BAHCC1: variants seen among roughly 807,000 people sequenced by gnomAD.
BAHCC1 encodes the protein BAH domain and coiled-coil containing 1.
In BAHCC1, 43 loss-of-function variants were observed where a neutral mutation model predicts 88.2. The observed-to-expected ratio is 0.49, with a 90% confidence interval of 0.38 to 0.63. The LOEUF (loss-of-function observed/expected upper bound fraction) is 0.63. Ranked by LOEUF, BAHCC1 falls within the 20% of genes least tolerant of loss-of-function variation. The pLI is 0.00. For missense variants in BAHCC1, 3,023 were observed against 1,654.8 expected (o/e 1.83, Z -14.34); for synonymous variants, 1,510 against 745.5 (o/e 2.03, Z -16.71).
intron 2 of BAHCC1, chr17:81,407,301 AC>A: frequency 1.9e-6 from 1 of 518,068 alleles, no homozygotes; most frequent in Non-Finnish European, 3.9e-6. Context: ...TTCTTGGGGT[AC>A]CCCACCAAAA....
rs1555647798 is a variant in BAHCC1 at position 81,411,255 on chromosome 17, C to T, written c.178+11338C>T. The T allele has an allele frequency of 2.0e-6, 1 of 493,444 alleles. No homozygotes were observed. The highest frequency in any genetic ancestry group is 4.0e-6 in the Non-Finnish European group (1 of 248,230). The allele number at this position is 493,444 out of a possible 1,614,324, so 30.6% of individuals were successfully genotyped here. A position where few individuals can be genotyped will look rare whatever the true frequency, so the allele number is the denominator to read the frequency against. On this transcript the variant is annotated intron_variant, in intron 2 of 27. Coordinates refer to ENST00000675386, the MANE Select transcript of BAHCC1 (RefSeq NM_001377448.1). This position sits in a 1 kb window ranked among gnomAD's most constrained non-coding sequence, Gnocchi z 6.2. ...GGACTCGCCACCCCCAGTTGAGCAG[C>T]TCCCCTTCTCGGCAGCTCCCAAACC...
chr17:81,443,915 G>A lies in BAHCC1; in HGVS notation c.2322G>A (p.Leu774=). The A allele has an allele frequency of 1.4e-6, 1 of 710,358 alleles. No homozygotes were observed. Among genetic ancestry groups the A allele is most frequent in the Non-Finnish European group, 2.6e-6 (1 of 384,758 alleles). The allele number at this position is 710,358 out of a possible 1,614,324, so 44.0% of individuals were successfully genotyped here. ...GGCTTGCCAGCCGCGAGCTGCTGCT[G>A]CAGTGAGAGCTGGGCCTGTGGCCCT... ...RLGLASRELL[L]QDSKDRVEFA... The change falls in exon 6 of 28, where the codon CTG becomes CTA. Residue 774 remains leucine, a splice_region_variant and synonymous_variant. Coordinates refer to ENST00000675386, the MANE Select transcript of BAHCC1 (RefSeq NM_001377448.1).
At chr17:81,401,606 C>G (rs1555646067) in intron 2 of BAHCC1, 1 of 152,452 alleles carries the variant, frequency 6.6e-6, no homozygotes, top group Admixed American at 6.5e-5. Context: ...CGCCAGCCTC[C>G]CCACCAGCCC....
rs548095001 is a variant in BAHCC1, at chr17:81,447,866, C to T, written c.3976+18C>T. ...TGTGCCAGGTAAGCCCGGTGGTTGC[C>T]GCCACCCCCCAGAGTCCCAGCAGTG... is the stretch of plus-strand genomic sequence containing the variant. On this transcript the variant is annotated intron_variant, in intron 11 of 27. Coordinates refer to ENST00000675386, the MANE Select transcript of BAHCC1 (RefSeq NM_001377448.1). 1.7e-5 allele frequency: 12 copies of T among 719,130 alleles called. No individual in the cohort carries two copies. The highest frequency in any genetic ancestry group is 4.0e-5 in the Admixed American group (2 of 50,442). The allele number at this position is 719,130 out of a possible 1,614,324, so 44.5% of individuals were successfully genotyped here. A position where few individuals can be genotyped will look rare whatever the true frequency, so the allele number is the denominator to read the frequency against.
rs557338506 is a variant in BAHCC1, at chr17:81,398,613, C to A, written c.-206-921C>A. ...CATTCTGACTCTGAAAGCACCCCCC[C>A]CACACACACCCCCAAGCCCCCAATC... On this transcript the variant is annotated intron_variant, in intron 1 of 27. Transcript: ENST00000675386. 9.4e-3 allele frequency among the ~76,000 whole-genome samples: 1,430 copies of A among 152,304 alleles called. 23 individuals carry two copies. Among genetic ancestry groups the A allele is most frequent in the African/African-American group, 0.031 (1,307 of 41,546 alleles).
intron 4 of BAHCC1, among the ~76,000 whole-genome samples, chr17:81,439,261 G>C (rs782172570): frequency 6.6e-6 from 1 of 152,226 alleles, no homozygotes; most frequent in Non-Finnish European, 1.5e-5. Flanking sequence ...AGTTCTCCTT[G>C]GGGTGACACC....
chr17:81,443,461 C>G lies in BAHCC1; in HGVS notation c.2112C>G (p.Gly704=). ...GDGEVRQPPV[G]IAVALARQKD... ...GGGAGGTGCGGCAGCCCCCTGTGGG[C>G]ATTGCAGTGGCCTTGGCCCGGCAGA... Residue 704 remains glycine (G), a synonymous_variant, in exon 5 of 28, where the codon GGC becomes GGG. Transcript: ENST00000675386. 2 of 734,006 alleles carry G rather than the reference C, an allele frequency of 2.7e-6. No homozygotes were observed. The highest frequency in any genetic ancestry group is 5.2e-5 in the East Asian group (2 of 38,466). The allele number at this position is 734,006 out of a possible 1,614,324, so 45.5% of individuals were successfully genotyped here.
At chr17:81,421,985 G>A (rs782775171) in intron 2 of BAHCC1, 5 of 388,766 alleles carry the variant, frequency 1.3e-5, no homozygotes, top group South Asian at 7.3e-5. Context: ...TCAGGGCCGG[G>A]GTCTCGGGTG....
chr17:81,404,410 T>C lies in BAHCC1; in HGVS notation c.178+4493T>C, dbSNP rs188165527. 3.9e-3 allele frequency among the ~76,000 whole-genome samples: 601 copies of C among 152,350 alleles called. 2 individuals are homozygous for C. Among genetic ancestry groups the C allele is most frequent in the African/African-American group, 0.014 (565 of 41,570 alleles). ...ATTTAATTGGTGGGGCTTCTGGCGT[T>C]TGTCACTTCTTGGCGATTAGTGGTC... is the stretch of plus-strand genomic sequence containing the variant. On this transcript the variant is annotated intron_variant, in intron 2 of 27. Coordinates refer to ENST00000675386, the MANE Select transcript of BAHCC1 (RefSeq NM_001377448.1).
chr17:81,424,988 G>T (rs887207529), intron 2 of BAHCC1, among the ~76,000 whole-genome samples: 3 of 150,762 alleles, frequency 2.0e-5, no homozygotes, highest in African/African-American at 7.3e-5. Flanking sequence ...GATGTGGTTG[G>T]TGGTGATAGT....
rs1555658421 is a variant in BAHCC1 at position 81,459,102 on chromosome 17, T to A, written c.5654T>A (p.Val1885Glu). Residue 1885 changes from valine to glutamate, a missense_variant, in exon 21 of 28, where the codon GTG (valine) becomes GAG (glutamate). By Grantham distance (121) the Val-to-Glu change is moderately radical (BLOSUM62 -2). Coordinates refer to ENST00000675386, the MANE Select transcript of BAHCC1 (RefSeq NM_001377448.1). ...GAGGACCTGCGGGACGGGCTGCCCG[T>A]GCTCATCCCCAAGGAGGATAGCCTG... is the stretch of plus-strand genomic sequence containing the variant. ...HKEDLRDGLP[V>E]LIPKEDSLLY... 1.3e-6 allele frequency: 1 copy of A among 771,722 alleles called. No individual in the cohort carries two copies. The highest frequency in any genetic ancestry group is 2.4e-6 in the Non-Finnish European group (1 of 414,680). The allele number at this position is 771,722 out of a possible 1,614,324, so 47.8% of individuals were successfully genotyped here.
intron 11 of BAHCC1, among the ~76,000 whole-genome samples, chr17:81,449,475 G>C (rs955652096): frequency 1.3e-5 from 2 of 152,194 alleles, no homozygotes; most frequent in Non-Finnish European, 2.9e-5. Context: ...CATCGGGGCC[G>C]GGCAAGCATA....
At chr17:81,403,817 T>A (rs1003131707) in intron 2 of BAHCC1, among the ~76,000 whole-genome samples, 7 of 152,218 alleles carry the variant, frequency 4.6e-5, no homozygotes, top group Non-Finnish European at 8.8e-5. Context: ...AATCCGGGAA[T>A]GTGGGGCCGC....
chr17:81,396,802 T>G (rs2063750800), intron 1 of BAHCC1: 1 of 152,192 alleles, frequency 6.6e-6, no homozygotes, highest in Non-Finnish European at 1.5e-5. Context: ...AGCCCTGTGC[T>G]CCTAGGTTCA....
At chr17:81,431,809 G>A (rs1483136174) in intron 3 of BAHCC1, among the ~76,000 whole-genome samples, 4 of 152,288 alleles carry the variant, frequency 2.6e-5, no homozygotes, top group East Asian at 1.9e-4. Flanking sequence ...CTGACCTGCC[G>A]TGCTTTGGAG....
chr17:81,422,843 T>A (rs781909168), intron 2 of BAHCC1: 35 of 383,856 alleles, frequency 9.1e-5, no homozygotes, highest in South Asian at 6.4e-4. Context: ...GGTGTGGGGG[T>A]GGGAAGGCCT....
In BAHCC1 at chr17:81,460,257, C is replaced by T; in HGVS notation, c.5906-20C>T. On this transcript the variant is annotated intron_variant, in intron 23 of 27. Transcript: ENST00000675386. The stretch of plus-strand genomic sequence containing the variant: ...GCCTACTGGGGGTTCCAGCTGCAAG[C>T]TCAGGTGTGCCGTCCACAGGGGCCT... The T allele has an allele frequency of 1.3e-6, 1 of 749,548 alleles. No homozygotes were observed. Among genetic ancestry groups the T allele is most frequent in the Non-Finnish European group, 2.5e-6 (1 of 403,514 alleles). 46.4% of individuals were successfully genotyped at this position (749,548 alleles called of 1,614,324 possible). A position where few individuals can be genotyped will look rare whatever the true frequency, so the allele number is the denominator to read the frequency against.
At chr17:81,439,264 G>T (rs1267056174) in intron 4 of BAHCC1, among the ~76,000 whole-genome samples, 2 of 152,320 alleles carry the variant, frequency 1.3e-5, no homozygotes, top group East Asian at 3.9e-4. Context: ...TCTCCTTGGG[G>T]TGACACCAGG....
In BAHCC1 at chr17:81,458,397, C is replaced by A; in HGVS notation, c.5274C>A (p.Gly1758=). ...PSRAFACREE[G]SQLASERLKR... ...GGGCCTTCGCCTGCCGTGAGGAGGG[C>A]AGCCAGCTGGCCAGTGAGCGCCTCA... Residue 1758 remains glycine, a synonymous_variant, in exon 18 of 28, where the codon GGC becomes GGA. Transcript: ENST00000675386. 1 of 742,502 alleles carries A rather than the reference C, an allele frequency of 1.3e-6. No individual in the cohort carries two copies. Among genetic ancestry groups the A allele is most frequent in the Admixed American group, 1.8e-5 (1 of 54,518 alleles). 46.0% of individuals were successfully genotyped at this position (742,502 alleles called of 1,614,324 possible).
Sources: allele counts gnomAD v4.1 joint callset (sites outside exome capture counted in the v4.1 genomes callset), GRCh38; gene constraint gnomAD v4.1.1; non-coding constraint Gnocchi (gnomAD v3.1); transcripts MANE v1.5; gene names NCBI Gene and HGNC (gene_info 2026-07-23, HGNC 2026-07-21).